Variants in ALKBH1 observed in about 807,000 individuals in gnomAD.
ALKBH1 encodes the protein alkB homolog 1, histone H2A dioxygenase.
Under a neutral mutation model 36.6 loss-of-function variants are expected in ALKBH1, and 31 were observed. The observed-to-expected ratio is 0.85, with a 90% CI of 0.64 to 1.14. The LOEUF (loss-of-function observed/expected upper bound fraction) is 1.14. Ranked by LOEUF, ALKBH1 falls within the 50% of genes most tolerant of loss-of-function variation. The pLI, the probability that ALKBH1 is intolerant of heterozygous loss-of-function variation, is 0.00. For synonymous variants in ALKBH1, 183 were observed against 186.6 expected, an observed-to-expected ratio of 0.98 and a Z score of 0.16; for missense variants, 490 against 497.3, an observed-to-expected ratio of 0.99 and a Z score of 0.14.
intron 2 of ALKBH1, among the ~76,000 whole-genome samples, chr14:77,702,591 T>G (rs1172130323): frequency 1.3e-5 from 2 of 152,230 alleles, no homozygotes; most frequent in Non-Finnish European, 2.9e-5. Context: ...ACTTTTACAA[T>G]GGCCCCAGGA....
rs114672484 is a variant in ALKBH1, at chr14:77,700,644, C to T, written c.292+3725G>A. Among the ~76,000 whole-genome samples the T allele has an allele frequency of 3.5e-3, 527 of 152,122 alleles. 4 individuals are homozygous for T. Among genetic ancestry groups the T allele is most frequent in the Middle Eastern group, 0.021 (6 of 292 alleles). On this transcript the variant is annotated intron_variant, in intron 2 of 5. Coordinates refer to ENST00000216489, the MANE Select transcript of ALKBH1 (RefSeq NM_006020.3). ...ACCACCTGCTATCACCACAATTTCA[C>T]GAAATAAAGAATATTATAATATTCC...
At chr14:77,701,639 G>A (rs960601334) in intron 2 of ALKBH1, among the ~76,000 whole-genome samples, 4 of 152,102 alleles carry the variant, frequency 2.6e-5, no homozygotes, top group Admixed American at 2.0e-4. Flanking sequence ...GCTTCCTTCA[G>A]ATTAAGTCAG....
At chr14:77,695,156 T>C (rs1333112064) in intron 2 of ALKBH1, among the ~76,000 whole-genome samples, 2 of 152,204 alleles carry the variant, frequency 1.3e-5, no homozygotes, top group Admixed American at 6.5e-5. Context: ...AACTTTAGAA[T>C]TGGAAGTGGT....
intron 3 of ALKBH1, among the ~76,000 whole-genome samples, chr14:77,689,067 T>C (rs567851589): frequency 2.0e-5 from 3 of 152,344 alleles, no homozygotes; most frequent in African/African-American, 7.2e-5. Context: ...CTTTCTAGTC[T>C]CATCTCCAAG....
chr14:77,681,102 T>G (rs1314575317), intron 3 of ALKBH1, among the ~76,000 whole-genome samples: 1 of 152,130 alleles, frequency 6.6e-6, no homozygotes, highest in African/African-American at 2.4e-5. Context: ...AATCAAAAAT[T>G]TTTTTGTCCA....
In ALKBH1 at chr14:77,673,599, T is replaced by C. The variant is rs1181389911; in HGVS notation, c.*213A>G. ...TTCTCAACATACATTACAGCCAACATGTAACTAGGAACAGACCATGTCAAA... is the reference window on the plus strand; with the variant it reads ...TTCTCAACATACATTACAGCCAACACGTAACTAGGAACAGACCATGTCAAA... On this transcript the variant is annotated 3_prime_UTR_variant, in exon 6 of 6. Coordinates refer to ENST00000216489, the MANE Select transcript of ALKBH1 (RefSeq NM_006020.3). The C allele has an allele frequency of 1.4e-5, 8 of 572,198 alleles. No homozygotes were observed. Among genetic ancestry groups the C allele is most frequent in the Admixed American group, 3.2e-5 (1 of 31,144 alleles). 35.4% of individuals were successfully genotyped at this position (572,198 alleles called of 1,614,324 possible). A position where few individuals can be genotyped will look rare whatever the true frequency, so the allele number is the denominator to read the frequency against.
In ALKBH1 at chr14:77,673,145, AG is replaced by A. The variant is rs2080185468; in HGVS notation, c.*666del. 6.6e-6 allele frequency: 1 copy of A among 152,366 alleles called. No homozygotes were observed. Among genetic ancestry groups the A allele is most frequent in the South Asian group, 2.1e-4 (1 of 4,830 alleles). 9.4% of individuals were successfully genotyped at this position (152,366 alleles called of 1,614,324 possible). On this transcript the variant is annotated 3_prime_UTR_variant, in exon 6 of 6. Coordinates refer to ENST00000216489, the MANE Select transcript of ALKBH1 (RefSeq NM_006020.3). The stretch of plus-strand genomic sequence containing the variant: ...ATTAAAATTGCATTAAAAAGCCAAC[AG>A]GGAGTTTGGAGACCGAAATGACATG...
chr14:77,675,842 G>A lies in ALKBH1; in HGVS notation c.554C>T (p.Ser185Leu), dbSNP rs776831961. Residue 185 changes from serine (S) to leucine (L), a missense_variant, in exon 5 of 6, where the codon TCA (serine) becomes TTA (leucine). Physicochemically the swap from Ser to Leu is moderately radical, Grantham distance 145. Transcript: ENST00000216489. The stretch of plus-strand genomic sequence containing the variant: ...AGGGAAAGGTGTGTAATGATCTGCT[G>A]AGTATTTCTTTGGTAAATGTAGAGA... ...YHYNWDSKKY[S>L]ADHYTPFPSD... is the part of the protein sequence containing the mutation. 21 of 1,612,276 alleles carry A rather than the reference G, an allele frequency of 1.3e-5. No individual in the cohort carries two copies. The highest frequency in any genetic ancestry group is 3.3e-5 in the Admixed American group (2 of 59,980).
chr14:77,705,153 G>T (rs1452964521), intron 1 of ALKBH1, among the ~76,000 whole-genome samples: 1 of 152,126 alleles, frequency 6.6e-6, no homozygotes, highest in Non-Finnish European at 1.5e-5. Context: ...AGTGGCTCAC[G>T]CCTGTAATCC....
intron 2 of ALKBH1, among the ~76,000 whole-genome samples, chr14:77,702,171 G>A (rs1233810777): frequency 6.6e-6 from 1 of 152,054 alleles, no homozygotes; most frequent in Non-Finnish European, 1.5e-5. Context: ...CGTGGTGGCG[G>A]GTGCCTGTAG....
chr14:77,702,023 G>T (rs1325251785), intron 2 of ALKBH1, among the ~76,000 whole-genome samples: 2 of 152,220 alleles, frequency 1.3e-5, no homozygotes, highest in African/African-American at 4.8e-5. Context: ...TAGAGGCCGG[G>T]CGTGGTGGCT....
intron 3 of ALKBH1, among the ~76,000 whole-genome samples, chr14:77,682,267 T>C (rs2080242165): frequency 6.6e-6 from 1 of 152,222 alleles, no homozygotes; most frequent in Non-Finnish European, 1.5e-5. Context: ...TCTACCAATG[T>C]TTATTCAGCT....
rs556331614 is a variant in ALKBH1, at chr14:77,679,796, T to G, written c.546+84A>C. On this transcript the variant is annotated intron_variant, in intron 4 of 5. Coordinates refer to ENST00000216489, the MANE Select transcript of ALKBH1 (RefSeq NM_006020.3). The stretch of plus-strand genomic sequence containing the variant: ...CCACAAATGTATAATCTTGATATCT[T>G]AAGCGTGGTTAGGAAGAAATACAAC... 8.8e-6 allele frequency: 9 copies of G among 1,027,836 alleles called. No homozygotes were observed. The African/African-American group carries it at 1.1e-4, about 13-fold the overall frequency. 63.7% of individuals were successfully genotyped at this position (1,027,836 alleles called of 1,614,324 possible).
At chr14:77,683,220 G>T in intron 3 of ALKBH1, 2 of 659,992 alleles carry the variant, frequency 3.0e-6, no homozygotes, top group Non-Finnish European at 5.7e-6. Context: ...TGAATCCATA[G>T]AGAATAGGTT....
chr14:77,698,075 G>C (rs986564753), intron 2 of ALKBH1, among the ~76,000 whole-genome samples: 4 of 152,120 alleles, frequency 2.6e-5, no homozygotes, highest in African/African-American at 9.7e-5. Context: ...GGGCAATAAA[G>C]ACAAGTTAAA....
chr14:77,683,621 G>C, intron 3 of ALKBH1: 1 of 330,464 alleles, frequency 3.0e-6, no homozygotes, highest in Non-Finnish European at 5.7e-6. Context: ...ACCTAGGCTG[G>C]AGTGCAGTGG....
chr14:77,687,897 G>A (rs977643403), intron 3 of ALKBH1, among the ~76,000 whole-genome samples: 2 of 118,194 alleles, frequency 1.7e-5, no homozygotes, highest in African/African-American at 6.4e-5. Flanking sequence ...TGGCCTTTAC[G>A]TGTAACTCCT....
intron 3 of ALKBH1, among the ~76,000 whole-genome samples, chr14:77,690,291 G>C (rs931463765): frequency 5.9e-5 from 9 of 152,240 alleles, no homozygotes; most frequent in Non-Finnish European, 1.3e-4. Context: ...TGAGAGTAGA[G>C]AGGTAGCTGT....
intron 2 of ALKBH1, among the ~76,000 whole-genome samples, chr14:77,699,221 A>G (rs1032986928): frequency 1.3e-5 from 2 of 152,250 alleles, no homozygotes; most frequent in African/African-American, 4.8e-5. Context: ...ACTATTAGCA[A>G]TAACGACACA....
Sources: allele counts gnomAD v4.1 joint callset (sites outside exome capture counted in the v4.1 genomes callset), GRCh38; gene constraint gnomAD v4.1.1; transcripts MANE v1.5; gene names NCBI Gene and HGNC (gene_info 2026-07-23, HGNC 2026-07-21).